The following RAP1GDS1 variants were observed in gnomAD, a reference collection of about 807,000 sequenced individuals.
The protein encoded by RAP1GDS1 is RAP1, GTP-GDP dissociation stimulator 1.
RAP1GDS1 carries 35 observed loss-of-function variants against 71.1 expected under a neutral mutation model. That is an observed-to-expected ratio of 0.49 (90% confidence interval 0.38 to 0.65). The LOEUF is 0.65. Ranked by LOEUF, RAP1GDS1 falls within the 30% of genes least tolerant of loss-of-function variation. The pLI is 0.00. For synonymous variants in RAP1GDS1, 229 were observed against 243.1 expected (o/e 0.94, Z 0.54); for missense variants, 663 against 706.1 (o/e 0.94, Z 0.69).
intron 5 of RAP1GDS1, among the ~76,000 whole-genome samples, chr4:98,384,277 T>C (rs181278922): frequency 3.3e-5 from 5 of 151,732 alleles, no homozygotes; most frequent in African/African-American, 1.2e-4. Flanking sequence ...GTGAGTTAAA[T>C]GAAGTGTGTT....
At chr4:98,391,268 G>A (rs1743617182) in intron 5 of RAP1GDS1, among the ~76,000 whole-genome samples, 1 of 151,994 alleles carries the variant, frequency 6.6e-6, no homozygotes, top group South Asian at 2.1e-4. Context: ...TGATGACAAG[G>A]CCATGTTAAC....
At chr4:98,440,056 C>T (rs1344518151) in intron 14 of RAP1GDS1, among the ~76,000 whole-genome samples, 2 of 152,204 alleles carry the variant, frequency 1.3e-5, no homozygotes, top group African/African-American at 4.8e-5. Flanking sequence ...CATCTGACAA[C>T]TCTAGTCACC....
At chr4:98,417,533 A>T (rs1748202860) in intron 9 of RAP1GDS1, 35 bp downstream of exon 9, 1 of 1,597,074 alleles carries the variant, frequency 6.3e-7, no homozygotes, top group East Asian at 2.2e-5. Context: ...TTAGTCAAAT[A>T]CTCTATATTT....
chr4:98,289,628 A>C (rs1481714055), intron 1 of RAP1GDS1, among the ~76,000 whole-genome samples: 1 of 151,928 alleles, frequency 6.6e-6, no homozygotes, highest in Non-Finnish European at 1.5e-5. Context: ...AAAATATTAT[A>C]ATTTTTAAAC....
At chr4:98,434,300 G>A (rs1750853263) in intron 13 of RAP1GDS1, among the ~76,000 whole-genome samples, 1 of 152,102 alleles carries the variant, frequency 6.6e-6, no homozygotes. Context: ...TTTAAATAAT[G>A]TCTCAAGTTA....
chr4:98,347,898 G>C (rs575475350), intron 3 of RAP1GDS1, among the ~76,000 whole-genome samples: 19 of 152,270 alleles, frequency 1.2e-4, no homozygotes, highest in African/African-American at 4.1e-4. Context: ...GAACCCCTTT[G>C]AAGAAGGACG....
chr4:98,288,498 G>T (rs1726393595), intron 1 of RAP1GDS1, among the ~76,000 whole-genome samples: 1 of 152,164 alleles, frequency 6.6e-6, no homozygotes, highest in African/African-American at 2.4e-5. Context: ...ACATACGTGT[G>T]CATGTGTCTT....
At chr4:98,412,692 T>C (rs1747247344) in intron 7 of RAP1GDS1, among the ~76,000 whole-genome samples, 3 of 152,152 alleles carry the variant, frequency 2.0e-5, no homozygotes. Context: ...TATGTTCTAT[T>C]TTCCCTAAAT....
intron 1 of RAP1GDS1, 22 bp from the exon 2 acceptor site, chr4:98,293,386 A>ATTTTTTTTTTTTTT: frequency 8.5e-7 from 1 of 1,171,414 alleles, no homozygotes; most frequent in Non-Finnish European, 1.2e-6. Context: ...TGAGTTTCTG[A>ATTTTTTTTTTTTTT]TTTTTTTTTT....
intron 2 of RAP1GDS1, among the ~76,000 whole-genome samples, chr4:98,319,324 G>A (rs185944206): frequency 2.0e-5 from 3 of 151,890 alleles, no homozygotes; most frequent in Middle Eastern, 3.2e-3. Flanking sequence ...TGATAATATC[G>A]TACTCCCTTA....
intron 7 of RAP1GDS1, among the ~76,000 whole-genome samples, chr4:98,408,911 A>G (rs1746576215): frequency 6.6e-6 from 1 of 152,196 alleles, no homozygotes; most frequent in African/African-American, 2.4e-5. Context: ...ATCTATGAGA[A>G]GGCTGAAGAA....
intron 1 of RAP1GDS1, among the ~76,000 whole-genome samples, chr4:98,293,130 G>C (rs1727211584): frequency 6.6e-6 from 1 of 152,050 alleles, no homozygotes; most frequent in Admixed American, 6.6e-5. Flanking sequence ...AGCTCAATAA[G>C]TTATAAGAAT....
At chr4:98,289,954 T>C (rs1477828875) in intron 1 of RAP1GDS1, among the ~76,000 whole-genome samples, 1 of 152,078 alleles carries the variant, frequency 6.6e-6, no homozygotes, top group African/African-American at 2.4e-5. Flanking sequence ...AGTAAAGCTT[T>C]GTTACTAGAT....
At chr4:98,397,946 G>A (rs1336023971) in intron 6 of RAP1GDS1, among the ~76,000 whole-genome samples, 2 of 151,970 alleles carry the variant, frequency 1.3e-5, no homozygotes, top group African/African-American at 2.4e-5. Flanking sequence ...TATATTGAGG[G>A]TTCTCTACAA....
chr4:98,304,163 G>T (rs1050822940), intron 2 of RAP1GDS1, among the ~76,000 whole-genome samples: 2 of 152,160 alleles, frequency 1.3e-5, no homozygotes, highest in African/African-American at 4.8e-5. Context: ...ATGTACACGT[G>T]CATGTATCTT....
chr4:98,317,696 C>A (rs1731141678), intron 2 of RAP1GDS1, among the ~76,000 whole-genome samples: 1 of 152,006 alleles, frequency 6.6e-6, no homozygotes, highest in South Asian at 2.1e-4. Context: ...CCTTAAGTGG[C>A]CACAGGAGTC....
At chr4:98,413,221 AT>A (rs35095617) in intron 7 of RAP1GDS1, among the ~76,000 whole-genome samples, 87 of 148,242 alleles carry the variant, frequency 5.9e-4, no homozygotes, top group Middle Eastern at 3.5e-3. Context: ...GGGTATTACT[AT>A]TTTTTTTTTT....
At chr4:98,392,262 G>A in intron 6 of RAP1GDS1, 182 bp downstream of exon 6, 10 of 489,826 alleles carry the variant, frequency 2.0e-5, no homozygotes, top group Non-Finnish European at 1.0e-5. Flanking sequence ...TGATTGCATT[G>A]TTTATGAGAG....
intron 1 of RAP1GDS1, among the ~76,000 whole-genome samples, chr4:98,290,927 A>G (rs1726826330): frequency 6.6e-6 from 1 of 152,130 alleles, no homozygotes. Flanking sequence ...TCTGTGCACA[A>G]CTGGGGTCAC....
Sources: allele counts gnomAD v4.1 joint callset (sites outside exome capture counted in the v4.1 genomes callset), GRCh38; gene constraint gnomAD v4.1.1; transcripts MANE v1.5; gene names NCBI Gene and HGNC (gene_info 2026-07-23, HGNC 2026-07-21).